The following TRAPPC6B variants were observed in gnomAD, a reference collection of about 807,000 sequenced individuals.
TRAPPC6B encodes the protein trafficking protein particle complex subunit 6B.
A neutral mutation model predicts 24.7 loss-of-function variants in TRAPPC6B; 27 were observed. That is an observed-to-expected ratio of 1.09 (90% CI 0.81 to 1.51). The LOEUF (loss-of-function observed/expected upper bound fraction) is 1.51, where lower values mean the gene tolerates loss of function less well. Among genes scored for constraint, TRAPPC6B ranks in the 40% most tolerant of loss-of-function variants. TRAPPC6B has a pLI of 0.00. For synonymous variants in TRAPPC6B, 80 were observed against 66.6 expected (o/e 1.20, Z -0.98); for missense variants, 212 against 190.8 (o/e 1.11, Z -0.66).
intron 1 of TRAPPC6B, 85 bp downstream of exon 1, chr14:39,169,930 A>G (rs1372287281): frequency 5.7e-6 from 8 of 1,401,410 alleles, no homozygotes; most frequent in Non-Finnish European, 3.0e-6. Flanking sequence ...TCGGGTGGCG[A>G]TGGGACAGGG....
chr14:39,161,655 A>G (rs983870249), intron 1 of TRAPPC6B, among the ~76,000 whole-genome samples: 7 of 152,210 alleles, frequency 4.6e-5, no homozygotes, highest in African/African-American at 1.7e-4. Flanking sequence ...GTCTTTGGGC[A>G]TGAGAGCCAA....
Position 39,150,382 on chromosome 14 carries a change from CT to C in TRAPPC6B, c.446-2del. 2 of 1,568,242 alleles carry C rather than the reference CT, an allele frequency of 1.3e-6. No individual in the cohort carries two copies. The highest frequency in any genetic ancestry group is 1.8e-5 in the Admixed American group (1 of 54,656). The stretch of plus-strand genomic sequence containing the variant: ...TTCTGTATCATCACCTGAAATTTGC[CT>C]AAAAAAAAAAATACAAATAATTCTT... On this transcript the variant is annotated splice_acceptor_variant, in intron 5 of 5. Coordinates refer to ENST00000330149, the MANE Select transcript of TRAPPC6B (RefSeq NM_001079537.2). LOFTEE classifies it high-confidence loss of function.
chr14:39,170,166 C>A lies in TRAPPC6B; in HGVS notation c.-71G>T. The A allele has an allele frequency of 6.6e-7, 1 of 1,515,080 alleles. No homozygotes were observed. The highest frequency in any genetic ancestry group is 9.1e-7 in the Non-Finnish European group (1 of 1,101,458). The allele number at this position is 1,515,080 out of a possible 1,614,324, so 93.9% of individuals were successfully genotyped here. A position where few individuals can be genotyped will look rare whatever the true frequency, so the allele number is the denominator to read the frequency against. On this transcript the variant is annotated 5_prime_UTR_variant, in exon 1 of 6. In the 5' UTR this introduces an upstream ATG that the reference lacks. Transcript: ENST00000330149. ...CTGGTCTGGGGGTTCCAGCTCGCGCCTCAGCGACTTCGCCGGCGCCGCGGC... is the reference window on the plus strand; with the variant it reads ...CTGGTCTGGGGGTTCCAGCTCGCGCATCAGCGACTTCGCCGGCGCCGCGGC...
chr14:39,169,527 C>T (rs181724189), intron 1 of TRAPPC6B, among the ~76,000 whole-genome samples: 1 of 152,222 alleles, frequency 6.6e-6, no homozygotes, highest in East Asian at 1.9e-4. Flanking sequence ...ATTATCCTAA[C>T]GCCTGCAAAC....
Position 39,150,322 on chromosome 14 carries a change from C to T in TRAPPC6B, c.*28G>A. The T allele has an allele frequency of 1.3e-6, 2 of 1,566,146 alleles. No individual in the cohort carries two copies. Among genetic ancestry groups the T allele is most frequent in the Non-Finnish European group, 1.7e-6 (2 of 1,159,202 alleles). On this transcript the variant is annotated 3_prime_UTR_variant, in exon 6 of 6. Coordinates refer to ENST00000330149, the MANE Select transcript of TRAPPC6B (RefSeq NM_001079537.2). ...TACATGAATAATTTATCTCTTTACACTGTTGAAGCCTTGCATTTCAGTATG... is the reference window on the plus strand; with the variant it reads ...TACATGAATAATTTATCTCTTTACATTGTTGAAGCCTTGCATTTCAGTATG...
In TRAPPC6B at chr14:39,170,081, C is replaced by A. The variant is rs753744690; in HGVS notation, c.15G>T (p.Ala5=). 6.2e-6 allele frequency: 10 copies of A among 1,614,206 alleles called. No individual in the cohort carries two copies. The Middle Eastern group carries it at 5.0e-4, about 80-fold the overall frequency. The change falls in exon 1 of 6, where the codon GCG becomes GCT. Residue 5 remains alanine, a synonymous_variant. Transcript: ENST00000330149. MADE[A]LFLLLHNEMV... is the part of the protein sequence containing the mutation. The stretch of plus-strand genomic sequence containing the variant: ...TCTCGTTATGGAGAAGCAAAAACAA[C>A]GCCTCATCCGCCATTTCCTGCTAAT...
intron 1 of TRAPPC6B, among the ~76,000 whole-genome samples, chr14:39,162,594 C>G (rs2053070651): frequency 6.6e-6 from 1 of 152,142 alleles, no homozygotes; most frequent in Admixed American, 6.5e-5. Flanking sequence ...CCTGGTATCA[C>G]CTTTGATGTT....
At chr14:39,152,243 G>C (rs2052924301) in intron 4 of TRAPPC6B, among the ~76,000 whole-genome samples, 1 of 152,096 alleles carries the variant, frequency 6.6e-6, no homozygotes, top group Admixed American at 6.5e-5. Context: ...ACCTCCCCTG[G>C]TTATTGCCTA....
chr14:39,164,071 A>T (rs557860071), intron 1 of TRAPPC6B, among the ~76,000 whole-genome samples: 5 of 143,636 alleles, frequency 3.5e-5, no homozygotes, highest in African/African-American at 1.5e-4. Context: ...TCTTAAGTAA[A>T]GCCTTATCAT....
At chr14:39,152,393 T>C (rs997194897) in intron 4 of TRAPPC6B, among the ~76,000 whole-genome samples, 3 of 152,108 alleles carry the variant, frequency 2.0e-5, no homozygotes, top group Non-Finnish European at 2.9e-5. Context: ...AGTTTGGACG[T>C]TGAGAAACCC....
chr14:39,158,382 C>A lies in TRAPPC6B; in HGVS notation c.170G>T (p.Arg57Met), dbSNP rs2053011837. ...LIERFTKDTA[R>M]FKDELDIMKF... is the part of the protein sequence containing the mutation. ...CATGATATCTAACTCATCCTTGAAC[C>A]TTGCAGTATCTTTTGTAAACCTAAA... Residue 57 changes from arginine to methionine, a missense_variant, in exon 3 of 6, where the codon AGG becomes ATG. Coordinates refer to ENST00000330149, the MANE Select transcript of TRAPPC6B (RefSeq NM_001079537.2). 6.9e-6 allele frequency: 11 copies of A among 1,591,592 alleles called. No individual in the cohort carries two copies. The highest frequency in any genetic ancestry group is 9.4e-6 in the Non-Finnish European group (11 of 1,172,768).
At chr14:39,166,860 G>A (rs2053113559) in intron 1 of TRAPPC6B, among the ~76,000 whole-genome samples, 1 of 152,000 alleles carries the variant, frequency 6.6e-6, no homozygotes, top group Non-Finnish European at 1.5e-5. Flanking sequence ...CCATTCCCCA[G>A]CCCCCAGCCT....
At chr14:39,158,489 A>T in intron 2 of TRAPPC6B, 87 bp from the exon 3 acceptor site, 1 of 764,424 alleles carries the variant, frequency 1.3e-6, no homozygotes, top group Non-Finnish European at 2.2e-6. Context: ...CAAATGCCAG[A>T]ACAGCACTGA....
chr14:39,169,712 C>G (rs1354407122), intron 1 of TRAPPC6B, among the ~76,000 whole-genome samples: 1 of 152,160 alleles, frequency 6.6e-6, no homozygotes, highest in Non-Finnish European at 1.5e-5. Flanking sequence ...GCAGTTAACC[C>G]TCTCGTAAAT....
chr14:39,151,966 C>T, intron 4 of TRAPPC6B, 127 bp from the exon 5 acceptor site: 1 of 659,030 alleles, frequency 1.5e-6, no homozygotes, highest in Non-Finnish European at 2.5e-6. Flanking sequence ...TTTTGAAGAA[C>T]TGTTCAAATT....
intron 2 of TRAPPC6B, chr14:39,158,671 G>A (rs1483048198): frequency 6.2e-6 from 2 of 320,488 alleles, no homozygotes; most frequent in Admixed American, 5.0e-5. Flanking sequence ...ACAGGCACAT[G>A]TCACCATGCT....
chr14:39,149,931 T>C lies in TRAPPC6B; in HGVS notation c.*419A>G, dbSNP rs2052894334. ...AAGCAATAAAATAAAAAAAATTTAGTATGTTTGCTTTTTAAAATAAAACAA... is the reference window on the plus strand; with the variant it reads ...AAGCAATAAAATAAAAAAAATTTAGCATGTTTGCTTTTTAAAATAAAACAA... On this transcript the variant is annotated 3_prime_UTR_variant, in exon 6 of 6. Transcript: ENST00000330149. 2 of 154,678 alleles carry C rather than the reference T, an allele frequency of 1.3e-5. No individual in the cohort carries two copies. Among genetic ancestry groups the C allele is most frequent in the Admixed American group, 6.5e-5 (1 of 15,328 alleles). 9.6% of individuals were successfully genotyped at this position (154,678 alleles called of 1,614,324 possible).
At position 39,148,774 on chromosome 14, in the gene TRAPPC6B, G is replaced by C. The variant is rs968373574; in HGVS notation, c.*1576C>G. 7.5e-6 allele frequency: 3 copies of C among 398,238 alleles called. No individual in the cohort carries two copies. Among genetic ancestry groups the C allele is most frequent in the African/African-American group, 6.2e-5 (3 of 48,606 alleles). 24.7% of individuals were successfully genotyped at this position (398,238 alleles called of 1,614,324 possible). Reference sequence around the variant, plus strand: ...TTGCAGTCATGCATTGCTTAGCAAAGGGGATACATTCTGAGAAATGCATCA... The same window carrying C: ...TTGCAGTCATGCATTGCTTAGCAAACGGGATACATTCTGAGAAATGCATCA... On this transcript the variant is annotated 3_prime_UTR_variant, in exon 6 of 6. Coordinates refer to ENST00000330149, the MANE Select transcript of TRAPPC6B (RefSeq NM_001079537.2).
chr14:39,157,844 C>G (rs1006980927), intron 3 of TRAPPC6B: 1 of 194,154 alleles, frequency 5.2e-6, no homozygotes, highest in African/African-American at 2.3e-5. Context: ...GAACTTGACA[C>G]CAAACTGGGT....
Sources: allele counts gnomAD v4.1 joint callset (sites outside exome capture counted in the v4.1 genomes callset), GRCh38; gene constraint gnomAD v4.1.1; transcripts MANE v1.5; gene names NCBI Gene and HGNC (gene_info 2026-07-23, HGNC 2026-07-21).